Variants in PTPRD observed in about 807,000 individuals in gnomAD.
The protein encoded by PTPRD is protein tyrosine phosphatase receptor type D, also known as receptor-type tyrosine-protein phosphatase delta.
Under a neutral mutation model 214.5 loss-of-function variants are expected in PTPRD, and 34 were observed. That is an observed-to-expected ratio of 0.16 (90% CI 0.12 to 0.21). The LOEUF (loss-of-function observed/expected upper bound fraction) is 0.21. Ranked by LOEUF, PTPRD falls within the 10% of genes least tolerant of loss-of-function variation. The pLI is 1.00. For missense variants in PTPRD, 2,545 were observed against 2,398.7 expected, an observed-to-expected ratio of 1.06 and a Z score of -1.27; for synonymous variants, 1,128 against 845.7, an observed-to-expected ratio of 1.33 and a Z score of -5.79.
Position 8,894,326 on chromosome 9 carries a change from G to C in PTPRD, c.-104+124371C>G, listed in dbSNP as rs190193781. Among the ~76,000 whole-genome samples, 18 of 95,156 alleles carry C rather than the reference G, an allele frequency of 1.9e-4. No homozygotes were observed. The East Asian group carries it at 3.7e-3, about 20-fold the overall frequency. The allele number at this position is 95,156 out of a possible 152,430, so 62.4% of individuals were successfully genotyped here. The stretch of plus-strand genomic sequence containing the variant: ...GCCAACATCACCCCACTGCATTCTA[G>C]CTTGGGCAACAAGAGTGAGACTCCA... On this transcript the variant is annotated intron_variant, in intron 11 of 45. Transcript: ENST00000381196.
chr9:8,788,191 T>A (rs1405322342), intron 11 of PTPRD, among the ~76,000 whole-genome samples: 1 of 151,952 alleles, frequency 6.6e-6, no homozygotes, highest in African/African-American at 2.4e-5. Context: ...CAAAAAATGG[T>A]TATGAGTAAC....
rs2154434896 is a variant in PTPRD, at chr9:8,733,844, C to A, written c.-1G>T. The A allele has an allele frequency of 2.6e-6, 4 of 1,551,232 alleles. No homozygotes were observed. The highest frequency in any genetic ancestry group is 3.5e-6 in the Non-Finnish European group (4 of 1,147,110). ...GCAGCAGCCTGGCTACGTGCACCAT[C>A]CTGCAGCTTGGCAGCAGCGTGCGCG... On this transcript the variant is annotated 5_prime_UTR_variant, in exon 12 of 46. Transcript: ENST00000381196.
chr9:8,703,547 G>A (rs188437587), intron 12 of PTPRD, among the ~76,000 whole-genome samples: 132 of 152,194 alleles, frequency 8.7e-4, no homozygotes, highest in Non-Finnish European at 1.5e-4. Flanking sequence ...CGGCCTCTAG[G>A]ACACAACCTT....
intron 9 of PTPRD, among the ~76,000 whole-genome samples, chr9:9,243,924 C>G (rs1440201057): frequency 6.6e-6 from 1 of 152,168 alleles, no homozygotes; most frequent in South Asian, 2.1e-4. Flanking sequence ...CTTAAGCTGA[C>G]AAGCAACTTC....
chr9:9,846,656 C>T (rs997502652), intron 5 of PTPRD, among the ~76,000 whole-genome samples: 1 of 152,080 alleles, frequency 6.6e-6, no homozygotes, highest in Non-Finnish European at 1.5e-5. Context: ...GAAGACAGAG[C>T]ATGGAAACTT....
chr9:8,863,313 T>C (rs972563431), intron 11 of PTPRD, among the ~76,000 whole-genome samples: 1 of 152,294 alleles, frequency 6.6e-6, no homozygotes, highest in South Asian at 2.1e-4. Context: ...TCCCATTAAA[T>C]TCTTTAGTAG....
chr9:9,328,618 CTTTTTTTTTTTTTTTTTTTT>C (rs869076374), intron 9 of PTPRD, among the ~76,000 whole-genome samples: 22 of 28,232 alleles, frequency 7.8e-4, no homozygotes, highest in South Asian at 2.2e-3. Flanking sequence ...GTTGTTCTTG[CTTTTTTTTTTTTTTTTTTTT>C]TTTTTTTTTT....
At chr9:10,384,563 T>C (rs528510497) in intron 2 of PTPRD, among the ~76,000 whole-genome samples, 13 of 151,836 alleles carry the variant, frequency 8.6e-5, no homozygotes, top group African/African-American at 3.1e-4. Context: ...AAGGTAGGAA[T>C]GATAGCCCCA....
intron 3 of PTPRD, among the ~76,000 whole-genome samples, chr9:10,044,790 G>A (rs1237300371): frequency 6.6e-6 from 1 of 151,614 alleles, no homozygotes; most frequent in Non-Finnish European, 1.5e-5. Flanking sequence ...CAAACCTTCA[G>A]AAGCTATGGG....
rs144353195 is a variant in PTPRD, at chr9:10,073,728, G to A, written c.-544-39938C>T. Among the ~76,000 whole-genome samples, 459 of 152,084 alleles carry A rather than the reference G, an allele frequency of 3.0e-3. 5 individuals carry two copies. Among genetic ancestry groups the A allele is most frequent in the African/African-American group, 9.1e-3 (376 of 41,496 alleles). On this transcript the variant is annotated intron_variant, in intron 3 of 45. Coordinates refer to ENST00000381196, the MANE Select transcript of PTPRD (RefSeq NM_002839.4). ...TGACTCATTTCTACATCGTTGACAT[G>A]TGCCAATAGTTGAGGAACTAAAAGC...
At chr9:8,800,850 C>T (rs2096557304) in intron 11 of PTPRD, among the ~76,000 whole-genome samples, 1 of 152,130 alleles carries the variant, frequency 6.6e-6, no homozygotes, top group African/African-American at 2.4e-5. Context: ...CAATTCCATT[C>T]TTTCTCTGAA....
intron 11 of PTPRD, among the ~76,000 whole-genome samples, chr9:8,904,125 T>A (rs577598455): frequency 2.0e-3 from 299 of 152,358 alleles, no homozygotes; most frequent in Middle Eastern, 3.4e-3. Context: ...AACAAATGGT[T>A]TATTGCTATT....
In PTPRD at chr9:8,957,898, G is replaced by GA. The variant is rs369258024; in HGVS notation, c.-104+60798dup. Reference sequence around the variant, plus strand: ...AGAAAAGAATGCTATAGTCCCAAATGAAAAAAAAAATATCATTCTCAGAAA... The same window carrying GA: ...AGAAAAGAATGCTATAGTCCCAAATGAAAAAAAAAAATATCATTCTCAGAAA... On this transcript the variant is annotated intron_variant, in intron 11 of 45. Transcript: ENST00000381196. Among the ~76,000 whole-genome samples, 349 of 146,828 alleles carry GA rather than the reference G, an allele frequency of 2.4e-3. 5 individuals are homozygous for GA. The South Asian group carries it at 0.025, about 11-fold the overall frequency.
chr9:8,555,505 C>T (rs1035224362), intron 14 of PTPRD, among the ~76,000 whole-genome samples: 6 of 152,180 alleles, frequency 3.9e-5, no homozygotes, highest in African/African-American at 1.4e-4. Context: ...TTATATGAGT[C>T]CATGTGTATT....
At chr9:10,054,226 G>A (rs1056491239) in intron 3 of PTPRD, among the ~76,000 whole-genome samples, 2 of 152,140 alleles carry the variant, frequency 1.3e-5, no homozygotes, top group African/African-American at 2.4e-5. Context: ...TGACACAAAT[G>A]ATATTGTGCT....
intron 7 of PTPRD, among the ~76,000 whole-genome samples, chr9:9,732,946 C>T (rs1295282335): frequency 1.3e-5 from 2 of 151,824 alleles, no homozygotes; most frequent in African/African-American, 4.8e-5. Context: ...AATATAATTT[C>T]AAGTTCCTTT....
chr9:9,058,737 C>G (rs944154150), intron 10 of PTPRD, among the ~76,000 whole-genome samples: 1 of 151,794 alleles, frequency 6.6e-6, no homozygotes, highest in Non-Finnish European at 1.5e-5. Flanking sequence ...GCGTGAGCCA[C>G]CGCGCCCGGC....
At chr9:9,681,212 A>G (rs1387529628) in intron 7 of PTPRD, among the ~76,000 whole-genome samples, 1 of 151,826 alleles carries the variant, frequency 6.6e-6, no homozygotes, top group Non-Finnish European at 1.5e-5. Flanking sequence ...AAAGTATCTT[A>G]CACTGAAACA....
intron 11 of PTPRD, among the ~76,000 whole-genome samples, chr9:8,967,372 C>T (rs1303220467): frequency 2.0e-5 from 3 of 152,124 alleles, no homozygotes; most frequent in Admixed American, 6.6e-5. Flanking sequence ...CATGCACTTG[C>T]ATGTTCACTG....
Sources: gnomAD v4.1 joint callset for allele counts (sites outside exome capture counted in the v4.1 genomes callset) on GRCh38, gnomAD v4.1.1 for gene constraint, MANE v1.5 for transcripts, NCBI Gene and HGNC (gene_info 2026-07-23, HGNC 2026-07-21) for gene names.